DCC: variants seen among roughly 807,000 people sequenced by gnomAD.
DCC encodes the protein netrin receptor DCC.
A neutral mutation model predicts 172.5 loss-of-function variants in DCC; 58 were observed. That is an observed-to-expected ratio of 0.34 (90% CI 0.27 to 0.42). DCC has a LOEUF of 0.42. Ranked by LOEUF, DCC falls within the 10% of genes least tolerant of loss-of-function variation. DCC has a pLI of 1.00. For missense variants in DCC, 1,740 were observed against 1,791.0 expected (o/e 0.97, Z 0.51); for synonymous variants, 709 against 644.5 (o/e 1.10, Z -1.52).
At chr18:53,030,281 C>T (rs2042010052) in intron 5 of DCC, among the ~76,000 whole-genome samples, 1 of 152,228 alleles carries the variant, frequency 6.6e-6, no homozygotes, top group Middle Eastern at 3.4e-3. Context: ...GAGATATATG[C>T]ACACATTGAC....
chr18:52,404,660 C>CTT (rs752326763), intron 1 of DCC, among the ~76,000 whole-genome samples: 4 of 140,784 alleles, frequency 2.8e-5, no homozygotes, highest in African/African-American at 1.1e-4. Context: ...TTTTTGTTTT[C>CTT]TTTTTTTTTT....
chr18:52,748,391 G>T (rs2036941813), intron 1 of DCC, among the ~76,000 whole-genome samples: 1 of 152,226 alleles, frequency 6.6e-6, no homozygotes, highest in African/African-American at 2.4e-5. Flanking sequence ...GTGTGTCAGA[G>T]CTCTGGCTCC....
intron 1 of DCC, among the ~76,000 whole-genome samples, chr18:52,605,457 C>T (rs1383190491): frequency 6.6e-6 from 1 of 152,126 alleles, no homozygotes; most frequent in East Asian, 1.9e-4. Flanking sequence ...GATTAACTTG[C>T]CATTTGTTCT....
chr18:52,847,231 C>G (rs1037189155), intron 2 of DCC, among the ~76,000 whole-genome samples: 1 of 152,154 alleles, frequency 6.6e-6, no homozygotes, highest in Non-Finnish European at 1.5e-5. Flanking sequence ...GTGTTTCACA[C>G]TTATATTTGA....
chr18:53,511,537 C>T (rs1360106687), intron 27 of DCC, among the ~76,000 whole-genome samples: 1 of 152,222 alleles, frequency 6.6e-6, no homozygotes, highest in African/African-American at 2.4e-5. Context: ...TCTGCATTTC[C>T]ATCTGAGGTA....
At chr18:53,169,055 G>C (rs1213302036) in intron 8 of DCC, among the ~76,000 whole-genome samples, 1 of 152,162 alleles carries the variant, frequency 6.6e-6, no homozygotes, top group African/African-American at 2.4e-5. Context: ...CTAAATCAGG[G>C]ACCAGTTCTA....
intron 15 of DCC, among the ~76,000 whole-genome samples, chr18:53,380,900 A>T (rs1907678152): frequency 6.6e-6 from 1 of 152,168 alleles, no homozygotes; most frequent in Non-Finnish European, 1.5e-5. Flanking sequence ...CTTCTCTAAG[A>T]TGTGCACAGC....
At chr18:52,895,832 T>C (rs1181145836) in intron 2 of DCC, among the ~76,000 whole-genome samples, 1 of 152,212 alleles carries the variant, frequency 6.6e-6, no homozygotes, top group Non-Finnish European at 1.5e-5. Flanking sequence ...TTGCCCAGGC[T>C]GGAGTGCAGT....
At chr18:53,112,211 T>A (rs1450334438) in intron 7 of DCC, among the ~76,000 whole-genome samples, 1 of 151,502 alleles carries the variant, frequency 6.6e-6, no homozygotes, top group Non-Finnish European at 1.5e-5. Context: ...CCGCTAACAT[T>A]GAATGAAGAA....
chr18:53,190,296 T>G (rs746305633), intron 9 of DCC, among the ~76,000 whole-genome samples: 2 of 152,096 alleles, frequency 1.3e-5, no homozygotes, highest in African/African-American at 2.4e-5. Context: ...TCTTTCAACT[T>G]CAGAAGAATA....
chr18:52,453,936 G>A (rs564989390), intron 1 of DCC, among the ~76,000 whole-genome samples: 12 of 152,284 alleles, frequency 7.9e-5, no homozygotes, highest in African/African-American at 2.9e-4. Context: ...TGGCTGAAGA[G>A]CAGGTCACTA....
At chr18:53,265,712 G>A (rs964482657) in intron 12 of DCC, among the ~76,000 whole-genome samples, 2 of 152,164 alleles carry the variant, frequency 1.3e-5, no homozygotes, top group African/African-American at 2.4e-5. Flanking sequence ...TGCAGATGAT[G>A]CAACAGACAT....
intron 12 of DCC, among the ~76,000 whole-genome samples, chr18:53,250,765 C>T (rs2056420939): frequency 1.3e-5 from 2 of 151,778 alleles, no homozygotes; most frequent in Admixed American, 6.6e-5. Flanking sequence ...GTTGCTTTAA[C>T]TGCTTACTCT....
chr18:52,963,089 C>T (rs1275976807), intron 5 of DCC, among the ~76,000 whole-genome samples: 2 of 151,368 alleles, frequency 1.3e-5, no homozygotes, highest in African/African-American at 2.4e-5. Flanking sequence ...TACCCTAAAA[C>T]TTAAATTATA....
At chr18:52,961,637 T>C (rs1194316000) in intron 5 of DCC, among the ~76,000 whole-genome samples, 1 of 152,202 alleles carries the variant, frequency 6.6e-6, no homozygotes, top group Non-Finnish European at 1.5e-5. Flanking sequence ...TTGATGCATT[T>C]GTATGGCTTA....
intron 1 of DCC, among the ~76,000 whole-genome samples, chr18:52,531,790 A>G (rs1353954048): frequency 6.6e-6 from 1 of 152,016 alleles, no homozygotes; most frequent in Non-Finnish European, 1.5e-5. Flanking sequence ...ACCTATTGTC[A>G]TTACTTTCTC....
chr18:53,074,055 T>C (rs1184112009), intron 7 of DCC, among the ~76,000 whole-genome samples: 1 of 152,156 alleles, frequency 6.6e-6, no homozygotes, highest in Non-Finnish European at 1.5e-5. Flanking sequence ...TTCAGTGTAA[T>C]AGCACCTAAG....
chr18:52,758,042 AATG>A (rs1228532983), intron 2 of DCC, among the ~76,000 whole-genome samples: 2 of 152,142 alleles, frequency 1.3e-5, no homozygotes, highest in African/African-American at 4.8e-5. Context: ...TAATGGTAAT[AATG>A]ATAATAATAA....
At chr18:52,779,954 G>A (rs904694908) in intron 2 of DCC, among the ~76,000 whole-genome samples, 2 of 152,140 alleles carry the variant, frequency 1.3e-5, no homozygotes, top group African/African-American at 4.8e-5. Flanking sequence ...AACATGTTAA[G>A]ATTTTGATTG....
Sources: gnomAD v4.1 joint callset for allele counts (sites outside exome capture counted in the v4.1 genomes callset) on GRCh38, gnomAD v4.1.1 for gene constraint, MANE v1.5 for transcripts, NCBI Gene and HGNC (gene_info 2026-07-23, HGNC 2026-07-21) for gene names.